LTA4H: variants seen among roughly 807,000 people sequenced by gnomAD.
LTA4H encodes the protein leukotriene A4 hydrolase, also known as leukotriene A-4 hydrolase.
Under a neutral mutation model 89.8 loss-of-function variants are expected in LTA4H, and 59 were observed. The ratio of observed to expected loss-of-function variants is 0.66; its 90% confidence interval spans 0.53 to 0.82. The LOEUF (loss-of-function observed/expected upper bound fraction) is 0.82. Among genes scored for constraint, LTA4H ranks in the 40% least tolerant of loss-of-function variants. The pLI is 0.00. For synonymous variants in LTA4H, 227 were observed against 253.1 expected (o/e 0.90, Z 0.98); for missense variants, 617 against 727.0 (o/e 0.85, Z 1.74).
At chr12:96,009,474 A>C (rs1950261458) in intron 14 of LTA4H, 1 of 285,308 alleles carries the variant, frequency 3.5e-6, no homozygotes, top group African/African-American at 2.3e-5. Context: ...AGTACATGGC[A>C]GGAACAGTTC....
chr12:96,015,286 A>G (rs1006292926), intron 11 of LTA4H: 2 of 494,762 alleles, frequency 4.0e-6, no homozygotes, highest in African/African-American at 3.9e-5. Context: ...GGCTTTCAGG[A>G]GACAACACTT....
At chr12:96,017,014 C>T in intron 10 of LTA4H, 30 bp downstream of exon 10, 1 of 1,478,884 alleles carries the variant, frequency 6.8e-7, no homozygotes, top group Non-Finnish European at 9.5e-7. Flanking sequence ...GCAACATGAA[C>T]CAATAAAGAA....
rs542480441 is a variant in LTA4H, at chr12:96,028,814, T to C, written c.290+241A>G. Among the ~76,000 whole-genome samples the C allele has an allele frequency of 1.2e-4, 18 of 152,306 alleles. No individual in the cohort carries two copies. The South Asian group carries it at 3.7e-3, about 32-fold the overall frequency. On this transcript the variant is annotated intron_variant, in intron 2 of 18. Coordinates refer to ENST00000228740, the MANE Select transcript of LTA4H (RefSeq NM_000895.3). ...GATATTAGTAAAAGGATGAATCGTT[T>C]AGAAACTAACAGTTCCCAAAGTCCT...
chr12:96,023,661 GT>G (rs1003509546), intron 4 of LTA4H, among the ~76,000 whole-genome samples: 1 of 152,126 alleles, frequency 6.6e-6, no homozygotes, highest in Non-Finnish European at 1.5e-5. Context: ...GTCTAAGTAG[GT>G]CTAGCCTCCG....
chr12:96,024,691 G>A (rs537627468), intron 3 of LTA4H, 144 bp from the exon 4 acceptor site: 11 of 498,862 alleles, frequency 2.2e-5, no homozygotes, highest in East Asian at 7.4e-5. Flanking sequence ...TTTTTGAGAC[G>A]GAGTTTCACT....
intron 3 of LTA4H, 140 bp downstream of exon 3, chr12:96,027,304 T>G: frequency 1.6e-6 from 1 of 628,822 alleles, no homozygotes; most frequent in Middle Eastern, 3.0e-4. Context: ...ATAATTCATC[T>G]TATATGTTTC....
chr12:96,003,152 G>T, intron 17 of LTA4H, 88 bp from the exon 18 acceptor site: 1 of 797,204 alleles, frequency 1.3e-6, no homozygotes, highest in Non-Finnish European at 2.1e-6. Context: ...CTTCTGTAGT[G>T]ATATGAATAA....
At chr12:96,013,377 C>T in intron 13 of LTA4H, 119 bp from the exon 14 acceptor site, 1 of 611,858 alleles carries the variant, frequency 1.6e-6, no homozygotes, top group East Asian at 2.8e-5. Context: ...AAGATAATTT[C>T]TAAATCTTTT....
chr12:96,036,006 T>G (rs752526521), upstream of LTA4H, among the ~76,000 whole-genome samples: 11 of 152,288 alleles, frequency 7.2e-5, no homozygotes, highest in Middle Eastern at 6.8e-3. Flanking sequence ...ATCAGAAGGC[T>G]TTCTTTCGTG....
At chr12:96,018,698 A>ACT (rs1950413432) in intron 8 of LTA4H, 65 bp downstream of exon 8, 2 of 1,195,522 alleles carry the variant, frequency 1.7e-6, no homozygotes, top group East Asian at 5.3e-5. Context: ...TATTATTAGG[A>ACT]CTCCTAAGGT....
intron 2 of LTA4H, among the ~76,000 whole-genome samples, chr12:96,028,406 G>A (rs552911247): frequency 4.6e-5 from 7 of 152,252 alleles, no homozygotes; most frequent in Middle Eastern, 3.4e-3. Context: ...GAAAACACTG[G>A]CCTCTGAACA....
chr12:96,022,023 C>A lies in LTA4H; in HGVS notation c.585+124G>T. ...ACAAAAGAAAAAAAAATGAAGAAAACAAAAACCAAAAGCTGTTCTCAAAAT... is the reference window on the plus strand; with the variant it reads ...ACAAAAGAAAAAAAAATGAAGAAAAAAAAAACCAAAAGCTGTTCTCAAAAT... On this transcript the variant is annotated intron_variant, in intron 5 of 18. Transcript: ENST00000228740. This position sits in a 1 kb window ranked among gnomAD's most constrained non-coding sequence, Gnocchi z 4.0. 1.6e-6 allele frequency: 1 copy of A among 639,574 alleles called. No individual in the cohort carries two copies. Among genetic ancestry groups the A allele is most frequent in the South Asian group, 2.0e-5 (1 of 49,470 alleles). The allele number at this position is 639,574 out of a possible 1,614,324, so 39.6% of individuals were successfully genotyped here.
intron 16 of LTA4H, among the ~76,000 whole-genome samples, chr12:96,004,396 T>C (rs1019608524): frequency 3.3e-5 from 5 of 152,244 alleles, no homozygotes; most frequent in Non-Finnish European, 7.3e-5. Context: ...TCTTAAATGT[T>C]TGTATTATAG....
Position 96,021,118 on chromosome 12 carries a change from A to C in LTA4H, c.605T>G (p.Leu202Arg), listed in dbSNP as rs1312908941. ...FIQKVPIPCY[L>R]IALVVGALES... ...TAAAGCTCCAACAACTAAAGCAATC[A>C]GGTAGCAGGGTATTGGAACCTAAAG... Residue 202 changes from leucine (L) to arginine (R), a missense_variant, in exon 6 of 19, where the codon CTG becomes CGG. This residue lies in a region of LTA4H where 172 missense variants were observed against 244.5 expected (regional missense o/e 0.70). Transcript: ENST00000228740. 1 of 1,600,922 alleles carries C rather than the reference A, an allele frequency of 6.2e-7. No homozygotes were observed. Among genetic ancestry groups the C allele is most frequent in the South Asian group, 1.1e-5 (1 of 88,506 alleles).
At chr12:96,032,917 T>C (rs1309436007) in intron 1 of LTA4H, among the ~76,000 whole-genome samples, 1 of 152,090 alleles carries the variant, frequency 6.6e-6, no homozygotes, top group African/African-American at 2.4e-5. Context: ...AACACATGGA[T>C]ACACAGTGGG....
chr12:96,037,348 A>G (rs1268307148), upstream of LTA4H, among the ~76,000 whole-genome samples: 1 of 152,334 alleles, frequency 6.6e-6, no homozygotes, highest in East Asian at 1.9e-4. Flanking sequence ...TAATGAAAAC[A>G]GGTTGGAAGC....
chr12:96,038,654 C>T (rs765915860), upstream of LTA4H, among the ~76,000 whole-genome samples: 5 of 151,770 alleles, frequency 3.3e-5, no homozygotes, highest in Non-Finnish European at 7.4e-5. Flanking sequence ...GCTGGGATTA[C>T]AGGTACGAGC....
Position 96,035,421 on chromosome 12 carries a change from C to T in LTA4H, c.99G>A (p.Arg33=). 6.2e-7 allele frequency: 1 copy of T among 1,610,978 alleles called. No individual in the cohort carries two copies. Residue 33 remains arginine, a synonymous_variant, in exon 1 of 19, where the codon CGG becomes CGA. Coordinates refer to ENST00000228740, the MANE Select transcript of LTA4H (RefSeq NM_000895.3). ...HLRCSVDFTR[R]TLTGTAALTV... ...TGAGAGCAGCAGTCCCGGTCAGCGTCCGGCGAGTAAAGTCGACGCTGCAGC... is the reference window on the plus strand; with the variant it reads ...TGAGAGCAGCAGTCCCGGTCAGCGTTCGGCGAGTAAAGTCGACGCTGCAGC...
intron 3 of LTA4H, 146 bp downstream of exon 3, chr12:96,027,298 T>C (rs1226693151): frequency 1.4e-5 from 8 of 590,022 alleles, no homozygotes; most frequent in Non-Finnish European, 2.2e-5. Flanking sequence ...AAATATATAA[T>C]TCATCTTATA....
Sources: gnomAD v4.1 joint callset for allele counts (sites outside exome capture counted in the v4.1 genomes callset) on GRCh38, gnomAD v4.1.1 for gene constraint, gnomAD v4.1.1 regional missense constraint, Gnocchi (gnomAD v3.1) non-coding constraint, MANE v1.5 for transcripts, NCBI Gene and HGNC (gene_info 2026-07-23, HGNC 2026-07-21) for gene names.